The following GRIA2 variants were observed in gnomAD, a reference collection of about 807,000 sequenced individuals.
GRIA2 encodes glutamate receptor 2.
In GRIA2, 14 loss-of-function variants were observed where a neutral mutation model predicts 97.3. The observed-to-expected ratio is 0.14, with a 90% CI of 0.10 to 0.23. GRIA2 has a LOEUF of 0.23. Among genes scored for constraint, GRIA2 ranks in the 10% least tolerant of loss-of-function variants. The probability of loss-of-function intolerance (pLI) is 1.00; values close to 1 mark genes in which losing one functional copy is unlikely to be tolerated. For synonymous variants in GRIA2, 412 were observed against 387.8 expected, an observed-to-expected ratio of 1.06 and a Z score of -0.73; for missense variants, 558 against 1,069.8, an observed-to-expected ratio of 0.52 and a Z score of 6.67.
chr4:157,273,563 G>A (rs553705514), intron 2 of GRIA2, among the ~76,000 whole-genome samples: 1 of 152,038 alleles, frequency 6.6e-6, no homozygotes, highest in African/African-American at 2.4e-5. Context: ...AAATACTAGA[G>A]GTCAAAAACA....
intron 4 of GRIA2, among the ~76,000 whole-genome samples, chr4:157,316,531 A>C (rs1444887249): frequency 6.6e-6 from 1 of 152,056 alleles, no homozygotes; most frequent in Admixed American, 6.6e-5. Context: ...TCAAGAGTTA[A>C]TAAGGCAAAG....
intron 12 of GRIA2, among the ~76,000 whole-genome samples, chr4:157,355,073 T>C (rs1295280440): frequency 6.6e-6 from 1 of 152,178 alleles, no homozygotes; most frequent in Admixed American, 6.5e-5. Flanking sequence ...TTAGATAAGC[T>C]AGAGCTTGAG....
In GRIA2 at chr4:157,312,630, G is replaced by A. The variant is rs1251625432; in HGVS notation, c.470-49G>A. 3 of 1,035,080 alleles carry A rather than the reference G, an allele frequency of 2.9e-6. No individual in the cohort carries two copies. In the East Asian group the frequency reaches 7.9e-5, roughly 27 times the overall value. The allele number at this position is 1,035,080 out of a possible 1,614,324, so 64.1% of individuals were successfully genotyped here. A position where few individuals can be genotyped will look rare whatever the true frequency, so the allele number is the denominator to read the frequency against. ...ACTGGCAATTTCATAACACAATCCT[G>A]AGTTATTCACGTATCTTTATCAGTC... On this transcript the variant is annotated intron_variant, in intron 3 of 15. Transcript: ENST00000264426.
intron 6 of GRIA2, among the ~76,000 whole-genome samples, chr4:157,322,242 A>AGT (rs35080512): frequency 0.021 from 2,889 of 137,198 alleles, 27 homozygotes; most frequent in African/African-American, 0.034. Context: ...AGAGAGAGAG[A>AGT]GTGTGTGTGT....
intron 11 of GRIA2, 83 bp downstream of exon 11, chr4:157,336,830 G>T (rs1735308356): frequency 2.3e-6 from 3 of 1,301,948 alleles, no homozygotes; most frequent in African/African-American, 3.0e-5. Context: ...CCCTAAAGAA[G>T]TTACCAGCTG....
At chr4:157,240,675 C>A (rs2126715527) in intron 2 of GRIA2, among the ~76,000 whole-genome samples, 1 of 151,374 alleles carries the variant, frequency 6.6e-6, no homozygotes, top group South Asian at 2.1e-4. Flanking sequence ...TTCTGATTTT[C>A]TCTAGAGCAC....
At chr4:157,335,976 A>T in intron 10 of GRIA2, 99 bp downstream of exon 10, 1 of 776,132 alleles carries the variant, frequency 1.3e-6, no homozygotes. Context: ...GAGGTTGTTG[A>T]TTTCCCACAT....
chr4:157,323,336 CAAAAAAAAAAA>C (rs779080483), intron 6 of GRIA2, among the ~76,000 whole-genome samples: 18 of 51,474 alleles, frequency 3.5e-4, no homozygotes, highest in East Asian at 2.1e-3. Flanking sequence ...GACTCTGTCT[CAAAAAAAAAAA>C]AAAAAAAAAA....
chr4:157,288,660 A>C (rs1732955606), intron 2 of GRIA2, among the ~76,000 whole-genome samples: 1 of 151,796 alleles, frequency 6.6e-6, no homozygotes, highest in Non-Finnish European at 1.5e-5. Context: ...TGGGCTATTT[A>C]AAAAGAACTA....
At chr4:157,306,881 C>T (rs2126873774) in intron 3 of GRIA2, among the ~76,000 whole-genome samples, 1 of 152,256 alleles carries the variant, frequency 6.6e-6, no homozygotes, top group Non-Finnish European at 1.5e-5. Context: ...TTTAGTGTCA[C>T]ATGATTTGAA....
At chr4:157,226,358 G>A (rs1476873213) in intron 2 of GRIA2, among the ~76,000 whole-genome samples, 1 of 151,926 alleles carries the variant, frequency 6.6e-6, no homozygotes, top group Non-Finnish European at 1.5e-5. Context: ...CATCTAATTT[G>A]AAGAAAATTA....
At chr4:157,231,275 G>A (rs951210566) in intron 2 of GRIA2, among the ~76,000 whole-genome samples, 2 of 152,156 alleles carry the variant, frequency 1.3e-5, no homozygotes, top group African/African-American at 4.8e-5. Flanking sequence ...CTGATCTCAG[G>A]CAATCCGCCC....
chr4:157,310,858 A>C (rs890301735), intron 3 of GRIA2, among the ~76,000 whole-genome samples: 1 of 152,036 alleles, frequency 6.6e-6, no homozygotes, highest in Non-Finnish European at 1.5e-5. Context: ...ATAACTTGGT[A>C]GTTAGATTTA....
chr4:157,355,780 T>TTAG (rs1491284661), intron 12 of GRIA2, among the ~76,000 whole-genome samples: 3 of 51,692 alleles, frequency 5.8e-5, no homozygotes, highest in African/African-American at 1.3e-4. Flanking sequence ...TATTTATATA[T>TTAG]TTATATATAT....
chr4:157,256,255 ATTATATATTACATATATATG>A (rs1241675937), intron 2 of GRIA2, among the ~76,000 whole-genome samples: 2 of 59,016 alleles, frequency 3.4e-5, no homozygotes, highest in African/African-American at 9.3e-5. Flanking sequence ...TAATATATAA[ATTATATATTACATATATATG>A]TTATATATTA....
intron 2 of GRIA2, among the ~76,000 whole-genome samples, chr4:157,248,613 A>ACGTGTATATATATACG (rs1491178314): frequency 7.4e-5 from 5 of 67,484 alleles, no homozygotes; most frequent in Admixed American, 1.4e-4. Context: ...GTATATATAC[A>ACGTGTATATATATACG]TGTATATATA....
intron 2 of GRIA2, among the ~76,000 whole-genome samples, chr4:157,270,009 C>T (rs2126787442): frequency 6.6e-6 from 1 of 152,104 alleles, no homozygotes; most frequent in African/African-American, 2.4e-5. Flanking sequence ...TAATATCTGA[C>T]TTTTTCCATT....
At position 157,326,795 on chromosome 4, in the gene GRIA2, C is replaced by T. The variant is rs78786097; in HGVS notation, c.882+5196C>T. The stretch of plus-strand genomic sequence containing the variant: ...CTGTGTATGATCCAGAAGTTTTATG[C>T]CTTGTTGACATATTAAGGATTTCTT... On this transcript the variant is annotated intron_variant, in intron 6 of 15. Transcript: ENST00000264426. Among the ~76,000 whole-genome samples the T allele has an allele frequency of 3.0e-3, 454 of 152,226 alleles. 4 individuals are homozygous for T. Among genetic ancestry groups the T allele is most frequent in the African/African-American group, 0.01 (428 of 41,550 alleles).
At chr4:157,353,710 AAC>A (rs1736123105) in intron 12 of GRIA2, among the ~76,000 whole-genome samples, 1 of 152,042 alleles carries the variant, frequency 6.6e-6, no homozygotes, top group Non-Finnish European at 1.5e-5. Flanking sequence ...CAAACAAAAA[AAC>A]AAAAAAACCT....
Sources: gnomAD v4.1 joint callset for allele counts (sites outside exome capture counted in the v4.1 genomes callset) on GRCh38, gnomAD v4.1.1 for gene constraint, MANE v1.5 for transcripts, NCBI Gene and HGNC (gene_info 2026-07-23, HGNC 2026-07-21) for gene names.